The following RBFOX1 variants were observed in gnomAD, a reference collection of about 807,000 sequenced individuals.
The protein encoded by RBFOX1 is RNA binding fox-1 homolog 1, also known as RNA binding protein fox-1 homolog 1.
In RBFOX1, 8 loss-of-function variants were observed where a neutral mutation model predicts 57.7. The observed-to-expected ratio is 0.14, with a 90% CI of 0.08 to 0.25. RBFOX1 has a LOEUF of 0.25. Ranked by LOEUF, RBFOX1 falls within the 10% of genes least tolerant of loss-of-function variation. The probability of loss-of-function intolerance (pLI) is 1.00; values close to 1 mark genes in which losing one functional copy is unlikely to be tolerated. For synonymous variants in RBFOX1, 326 were observed against 222.4 expected (o/e 1.47, Z -4.15); for missense variants, 611 against 548.5 (o/e 1.11, Z -1.14).
chr16:7,006,459 G>C (rs934350140), intron 3 of RBFOX1, among the ~76,000 whole-genome samples: 1 of 151,984 alleles, frequency 6.6e-6, no homozygotes, highest in Non-Finnish European at 1.5e-5. Context: ...GGCCAAACAA[G>C]TTTTTTTATG....
intron 3 of RBFOX1, among the ~76,000 whole-genome samples, chr16:6,752,326 C>A (rs10492836): frequency 0.088 from 13,422 of 152,204 alleles, 738 homozygotes; most frequent in East Asian, 0.15. Context: ...TTGACATTAT[C>A]AGACGAAATA....
chr16:6,617,339 C>A (rs542944646), intron 2 of RBFOX1, among the ~76,000 whole-genome samples: 1 of 152,060 alleles, frequency 6.6e-6, no homozygotes, highest in East Asian at 1.9e-4. Flanking sequence ...TAGGCAGTTG[C>A]CCTTAACCTA....
chr16:7,083,086 C>A (rs2059442636), intron 4 of RBFOX1, among the ~76,000 whole-genome samples: 1 of 152,092 alleles, frequency 6.6e-6, no homozygotes, highest in Non-Finnish European at 1.5e-5. Context: ...TGTCACTCTG[C>A]TCATTTCAAG....
chr16:6,917,808 C>T (rs1291119505), intron 3 of RBFOX1, among the ~76,000 whole-genome samples: 1 of 152,120 alleles, frequency 6.6e-6, no homozygotes, highest in Non-Finnish European at 1.5e-5. Flanking sequence ...CCTTCAGCTG[C>T]CTCTTAGAGA....
chr16:5,377,321 T>G (rs1205676077), intron 1 of RBFOX1, among the ~76,000 whole-genome samples: 2 of 151,328 alleles, frequency 1.3e-5, no homozygotes, highest in East Asian at 3.9e-4. Context: ...ATGGAACTAC[T>G]TTTCATGGAG....
At chr16:7,446,611 C>A (rs1258245912) in intron 4 of RBFOX1, among the ~76,000 whole-genome samples, 1 of 152,046 alleles carries the variant, frequency 6.6e-6, no homozygotes, top group Non-Finnish European at 1.5e-5. Flanking sequence ...CTTTCAAGAT[C>A]AGATCAAGCT....
chr16:5,796,007 G>C (rs2054866565), intron 3 of RBFOX1, among the ~76,000 whole-genome samples: 1 of 152,162 alleles, frequency 6.6e-6, no homozygotes, highest in Non-Finnish European at 1.5e-5. Context: ...ATTTGCATAG[G>C]GCTGTGCAAT....
At chr16:5,375,760 G>C (rs954722393) in intron 1 of RBFOX1, among the ~76,000 whole-genome samples, 1 of 152,228 alleles carries the variant, frequency 6.6e-6, no homozygotes, top group East Asian at 1.9e-4. Flanking sequence ...TGGCCTGCCA[G>C]CTGCAGTGCG....
intron 15 of RBFOX1, among the ~76,000 whole-genome samples, 193 bp downstream of exon 15, chr16:7,709,324 G>C (rs1391342596): frequency 1.3e-5 from 2 of 152,174 alleles, no homozygotes; most frequent in African/African-American, 4.8e-5. Context: ...GCAATGTAGT[G>C]CATGTAAGTT....
At chr16:6,068,267 C>G (rs2095792809) in intron 1 of RBFOX1, among the ~76,000 whole-genome samples, 1 of 152,178 alleles carries the variant, frequency 6.6e-6, no homozygotes, top group Admixed American at 6.5e-5. Flanking sequence ...AGACTTCAGC[C>G]TTACTTTGTT....
chr16:6,018,979 C>G (rs1251545440), upstream of RBFOX1: 1 of 647,716 alleles, frequency 1.5e-6, no homozygotes, highest in Non-Finnish European at 1.9e-6. Flanking sequence ...GCGGCGGCGG[C>G]GGCGCTGGCG....
chr16:7,322,275 C>T (rs901385310), intron 4 of RBFOX1, among the ~76,000 whole-genome samples: 1 of 152,200 alleles, frequency 6.6e-6, no homozygotes, highest in Non-Finnish European at 1.5e-5. Context: ...ATATGGGGTG[C>T]CTTAGCACCT....
intron 1 of RBFOX1, among the ~76,000 whole-genome samples, chr16:5,412,135 C>A (rs1294528536): frequency 6.6e-6 from 1 of 151,954 alleles, no homozygotes; most frequent in Non-Finnish European, 1.5e-5. Context: ...TTTCTCTGGA[C>A]AGAGGTCAAA....
chr16:6,791,128 A>G (rs1447417836), intron 3 of RBFOX1, among the ~76,000 whole-genome samples: 1 of 151,860 alleles, frequency 6.6e-6, no homozygotes, highest in African/African-American at 2.4e-5. Context: ...GCTGATCTCA[A>G]ACTCCTGACC....
chr16:7,333,508 A>G (rs773690104), intron 4 of RBFOX1, among the ~76,000 whole-genome samples: 3 of 152,214 alleles, frequency 2.0e-5, no homozygotes, highest in Admixed American at 6.5e-5. Context: ...GCATTAATTC[A>G]TAGGACGCCT....
intron 1 of RBFOX1, among the ~76,000 whole-genome samples, chr16:6,245,715 A>G (rs1598762318): frequency 6.6e-6 from 1 of 152,290 alleles, no homozygotes; most frequent in Middle Eastern, 3.4e-3. Flanking sequence ...GCAGGGCACA[A>G]AAGCTCTGAG....
chr16:5,781,691 C>T (rs1290530312), intron 3 of RBFOX1, among the ~76,000 whole-genome samples: 2 of 152,224 alleles, frequency 1.3e-5, no homozygotes, highest in Non-Finnish European at 1.5e-5. Flanking sequence ...GAACTGGTGG[C>T]AGGCTAGAAT....
intron 2 of RBFOX1, among the ~76,000 whole-genome samples, chr16:6,375,462 G>C (rs74007314): frequency 0.088 from 13,404 of 151,738 alleles, 2,002 homozygotes; most frequent in African/African-American, 0.31. Flanking sequence ...AAGAAAACTG[G>C]TTGTATTTCT....
chr16:5,583,144 A>G (rs977313027), intron 2 of RBFOX1, among the ~76,000 whole-genome samples: 2 of 152,220 alleles, frequency 1.3e-5, no homozygotes, highest in Non-Finnish European at 2.9e-5. Flanking sequence ...AATACATTCA[A>G]ACAAAAAATT....
Sources: allele counts gnomAD v4.1 joint callset (sites outside exome capture counted in the v4.1 genomes callset), GRCh38; gene constraint gnomAD v4.1.1; transcripts MANE v1.5; gene names NCBI Gene and HGNC (gene_info 2026-07-23, HGNC 2026-07-21).